The following PDE4B variants were observed in gnomAD, a reference collection of about 807,000 sequenced individuals.
PDE4B encodes the protein phosphodiesterase 4B.
A neutral mutation model predicts 82.2 loss-of-function variants in PDE4B; 20 were observed. The observed-to-expected ratio is 0.24, with a 90% CI of 0.17 to 0.35. The LOEUF (loss-of-function observed/expected upper bound fraction) is 0.35, where lower values mean the gene tolerates loss of function less well. PDE4B is among the 10% of genes least tolerant of loss of function. PDE4B has a pLI of 1.00. For missense variants in PDE4B, 655 were observed against 907.2 expected (o/e 0.72, Z 3.57); for synonymous variants, 320 against 318.9 (o/e 1.00, Z -0.04).
chr1:65,821,156 C>T (rs1645947737), intron 1 of PDE4B, among the ~76,000 whole-genome samples: 1 of 152,190 alleles, frequency 6.6e-6, no homozygotes, highest in African/African-American at 2.4e-5. Context: ...CAGCTGACCA[C>T]AGCTTGGTCA....
intron 3 of PDE4B, among the ~76,000 whole-genome samples, chr1:66,156,838 C>G (rs142522825): frequency 1.3e-5 from 2 of 152,184 alleles, no homozygotes; most frequent in African/African-American, 4.8e-5. Flanking sequence ...GTATATTTCA[C>G]TGGTTTCCCA....
intron 3 of PDE4B, among the ~76,000 whole-genome samples, chr1:66,121,231 G>A (rs1336772195): frequency 6.6e-6 from 1 of 151,534 alleles, no homozygotes; most frequent in African/African-American, 2.4e-5. Context: ...TTCAGGGGAA[G>A]GAATGAGCAC....
chr1:65,994,083 G>A (rs1352010026), intron 3 of PDE4B, among the ~76,000 whole-genome samples: 5 of 152,032 alleles, frequency 3.3e-5, no homozygotes, highest in African/African-American at 1.2e-4. Flanking sequence ...AGCAATATAG[G>A]GAGCATGTAC....
At chr1:66,162,061 T>A (rs962249549) in intron 3 of PDE4B, among the ~76,000 whole-genome samples, 9 of 151,926 alleles carry the variant, frequency 5.9e-5, no homozygotes, top group Non-Finnish European at 1.2e-4. Flanking sequence ...ATGGTGCTAG[T>A]TTTAATTCAA....
At chr1:65,904,763 A>G (rs745863560) in intron 1 of PDE4B, among the ~76,000 whole-genome samples, 7 of 152,094 alleles carry the variant, frequency 4.6e-5, no homozygotes, top group Non-Finnish European at 7.4e-5. Flanking sequence ...CTTTTCCTAG[A>G]TTAGTGAGCT....
At chr1:65,813,757 G>A (rs574269639) in intron 1 of PDE4B, among the ~76,000 whole-genome samples, 1 of 152,104 alleles carries the variant, frequency 6.6e-6, no homozygotes, top group African/African-American at 2.4e-5. Flanking sequence ...ATAACTTCAG[G>A]GTATTTTTTT....
intron 3 of PDE4B, among the ~76,000 whole-genome samples, chr1:66,009,843 A>G (rs954552164): frequency 6.6e-6 from 1 of 152,082 alleles, no homozygotes; most frequent in Non-Finnish European, 1.5e-5. Context: ...TGATGTATAT[A>G]TCTACATATA....
In PDE4B at chr1:65,793,222, G is replaced by C. The variant is rs1645593199; in HGVS notation, c.-97G>C. ...AGCAGAGGCGCCTCGGGCAGGAGGA[G>C]GGCGGCTTCTGCGAGGGCAGCCTGA... On this transcript the variant is annotated 5_prime_UTR_variant, in exon 1 of 17. Coordinates refer to ENST00000341517, the MANE Select transcript of PDE4B (RefSeq NM_002600.4). 6.6e-6 allele frequency: 1 copy of C among 152,402 alleles called. No homozygotes were observed. Among genetic ancestry groups the C allele is most frequent in the South Asian group, 2.1e-4 (1 of 4,834 alleles). 9.4% of individuals were successfully genotyped at this position (152,402 alleles called of 1,614,324 possible). A position where few individuals can be genotyped will look rare whatever the true frequency, so the allele number is the denominator to read the frequency against.
At chr1:66,104,765 C>T (rs577982359) in intron 3 of PDE4B, among the ~76,000 whole-genome samples, 8,745 of 148,898 alleles carry the variant, frequency 0.059, 305 homozygotes, top group South Asian at 0.15. Flanking sequence ...TCATGTCCTT[C>T]GCCCACTTTT....
intron 3 of PDE4B, among the ~76,000 whole-genome samples, chr1:66,210,369 G>T (rs755186965): frequency 2.6e-4 from 40 of 152,002 alleles, no homozygotes; most frequent in African/African-American, 9.4e-4. Flanking sequence ...AGGTCAAGCC[G>T]GGCAGATCAC....
At chr1:65,793,562 G>A (rs1448649737) in intron 1 of PDE4B, among the ~76,000 whole-genome samples, 2 of 152,194 alleles carry the variant, frequency 1.3e-5, no homozygotes, top group East Asian at 3.9e-4. Context: ...AGGATTCAGG[G>A]CTTGGAAGCC....
intron 3 of PDE4B, among the ~76,000 whole-genome samples, chr1:65,970,912 G>A (rs1021992960): frequency 4.6e-5 from 7 of 151,690 alleles, no homozygotes; most frequent in East Asian, 1.9e-4. Context: ...AGGAAAACCC[G>A]GGTCTGGACA....
At chr1:65,861,773 A>C (rs145751712) in intron 1 of PDE4B, among the ~76,000 whole-genome samples, 1,647 of 152,088 alleles carry the variant, frequency 0.011, 35 homozygotes, top group African/African-American at 0.038. Flanking sequence ...TATCTCTTGT[A>C]AGTTGTATTC....
intron 12 of PDE4B, among the ~76,000 whole-genome samples, chr1:66,364,876 T>C (rs1482108354): frequency 1.3e-5 from 2 of 152,194 alleles, no homozygotes; most frequent in South Asian, 2.1e-4. Flanking sequence ...GGTAATGTGA[T>C]TGGTCTTTAT....
At chr1:65,971,128 C>T (rs927377199) in intron 3 of PDE4B, among the ~76,000 whole-genome samples, 7 of 151,046 alleles carry the variant, frequency 4.6e-5, no homozygotes, top group African/African-American at 1.7e-4. Context: ...TAGTGAGAGA[C>T]AGAGAGGAAT....
intron 1 of PDE4B, among the ~76,000 whole-genome samples, chr1:65,876,189 C>A (rs1646641548): frequency 6.6e-6 from 1 of 151,778 alleles, no homozygotes; most frequent in Non-Finnish European, 1.5e-5. Context: ...TTATAATAAT[C>A]AAATTATTTT....
intron 1 of PDE4B, among the ~76,000 whole-genome samples, chr1:65,871,240 T>C (rs1300916136): frequency 6.6e-6 from 1 of 152,208 alleles, no homozygotes; most frequent in Admixed American, 6.5e-5. Flanking sequence ...AAGGTCAGAA[T>C]TGATCCAGGA....
In PDE4B at chr1:66,313,940, T is replaced by C. The variant is rs138580655; in HGVS notation, c.635-18568T>C. Among the ~76,000 whole-genome samples, 4 of 152,208 alleles carry C rather than the reference T, an allele frequency of 2.6e-5. No individual in the cohort carries two copies. The South Asian group carries it at 8.3e-4, about 32-fold the overall frequency. ...CAAGACAAACTCAATGTGGTCCAAA[T>C]TCACATGTCTCCCCCTCCTCCCCTA... is the stretch of plus-strand genomic sequence containing the variant. On this transcript the variant is annotated intron_variant, in intron 7 of 16. Coordinates refer to ENST00000341517, the MANE Select transcript of PDE4B (RefSeq NM_002600.4).
intron 3 of PDE4B, among the ~76,000 whole-genome samples, chr1:66,122,231 T>G (rs1645723628): frequency 6.6e-6 from 1 of 152,220 alleles, no homozygotes; most frequent in African/African-American, 2.4e-5. Flanking sequence ...TTGAGAATAT[T>G]CATGTGTTAA....
Sources: allele counts gnomAD v4.1 joint callset (sites outside exome capture counted in the v4.1 genomes callset), GRCh38; gene constraint gnomAD v4.1.1; transcripts MANE v1.5; gene names NCBI Gene and HGNC (gene_info 2026-07-23, HGNC 2026-07-21).